Variants in TSLP observed in about 807,000 individuals in gnomAD.
The protein encoded by TSLP is thymic stromal lymphopoietin, also known as thymic stroma-derived lymphopoietin.
TSLP carries 12 observed loss-of-function variants against 12.4 expected under a neutral mutation model. The observed-to-expected ratio is 0.97, with a 90% confidence interval of 0.62 to 1.57. TSLP has a LOEUF of 1.57. Ranked by LOEUF, TSLP falls within the 40% of genes most tolerant of loss-of-function variation. The pLI is 0.00. For missense variants in TSLP, 222 were observed against 189.6 expected, an observed-to-expected ratio of 1.17 and a Z score of -1.00; for synonymous variants, 97 against 69.5, an observed-to-expected ratio of 1.40 and a Z score of -1.97.
In TSLP at chr5:111,075,853, T is replaced by G; in HGVS notation, c.352-93T>G. ...GGTGCTTTGGAGACACACTGAAAGATGGATTTGCATAGAGAAGGCAATTAA... is the reference window on the plus strand; with the variant it reads ...GGTGCTTTGGAGACACACTGAAAGAGGGATTTGCATAGAGAAGGCAATTAA... On this transcript the variant is annotated intron_variant, in intron 3 of 3. Transcript: ENST00000344895. 6 of 1,316,918 alleles carry G rather than the reference T, an allele frequency of 4.6e-6. No individual in the cohort carries two copies. In the Admixed American group the frequency reaches 1.3e-4, roughly 28 times the overall value. The allele number at this position is 1,316,918 out of a possible 1,614,324, so 81.6% of individuals were successfully genotyped here.
At position 111,073,555 on chromosome 5, in the gene TSLP, C is replaced by T. The variant is rs759452135; in HGVS notation, c.261C>T (p.Thr87=). The change falls in exon 3 of 4, where the codon ACC becomes ACT. Residue 87 remains threonine (T), a synonymous_variant. Transcript: ENST00000344895. Reference sequence around the variant, plus strand: ...TCCAGAGCCTAACCTTCAATCCCACCGCCGGCTGCGCGTCGCTCGCCAAAG... The same window carrying T: ...TCCAGAGCCTAACCTTCAATCCCACTGCCGGCTGCGCGTCGCTCGCCAAAG... ...TEIQSLTFNP[T]AGCASLAKEM... 1.2e-5 allele frequency: 19 copies of T among 1,614,046 alleles called. No homozygotes were observed. In the Admixed American group the frequency reaches 1.5e-4, roughly 13 times the overall value.
upstream of TSLP, chr5:111,071,618 A>G (rs1385258324): frequency 6.8e-6 from 10 of 1,477,020 alleles, no homozygotes; most frequent in Non-Finnish European, 9.0e-6. Flanking sequence ...AATTCTATAA[A>G]GGAAGAGAAT....
Position 111,072,975 on chromosome 5 carries a change from G to A in TSLP, c.216+43G>A, listed in dbSNP as rs11466740. On this transcript the variant is annotated intron_variant, in intron 2 of 3. Coordinates refer to ENST00000344895, the MANE Select transcript of TSLP (RefSeq NM_033035.5). ...TGCTGCTGGCTTTCTCCAGGGAGACGCCAGGCATTTTGGAGAGGGAGTATC... is the reference window on the plus strand; with the variant it reads ...TGCTGCTGGCTTTCTCCAGGGAGACACCAGGCATTTTGGAGAGGGAGTATC... 6.9e-3 allele frequency: 11,051 copies of A among 1,608,456 alleles called. 546 individuals carry two copies. In the African/African-American group the frequency reaches 0.12, roughly 17 times the overall value.
chr5:111,075,812 T>G, intron 3 of TSLP, 134 bp from the exon 4 acceptor site: 1 of 912,232 alleles, frequency 1.1e-6, no homozygotes, highest in Non-Finnish European at 1.7e-6. Flanking sequence ...AGGCACATGC[T>G]AGCACATAGT....
At chr5:111,072,086 CA>C (rs1490123961) in intron 1 of TSLP, 25 bp downstream of exon 1, 1 of 1,586,854 alleles carries the variant, frequency 6.3e-7, no homozygotes, top group African/African-American at 1.3e-5. Flanking sequence ...TTTTTTAAAA[CA>C]AATGTATTTT....
intron 1 of TSLP, among the ~76,000 whole-genome samples, chr5:111,072,421 G>A (rs1233373346): frequency 1.3e-5 from 2 of 152,186 alleles, no homozygotes; most frequent in Non-Finnish European, 2.9e-5. Context: ...AAACTCTAAG[G>A]ATTGATGCTG....
chr5:111,076,252 G>A lies in TSLP; in HGVS notation c.*178G>A. On this transcript the variant is annotated 3_prime_UTR_variant, in exon 4 of 4. Coordinates refer to ENST00000344895, the MANE Select transcript of TSLP (RefSeq NM_033035.5). ...TGTGTAAGTTTATAATGCAGGGGAA[G>A]TACTACTCCTCAAATGTTGAGGGAA... 1.5e-6 allele frequency: 1 copy of A among 673,180 alleles called. No individual in the cohort carries two copies. The highest frequency in any genetic ancestry group is 3.0e-5 in the East Asian group (1 of 33,678). 41.7% of individuals were successfully genotyped at this position (673,180 alleles called of 1,614,324 possible).
In TSLP at chr5:111,073,500, C is replaced by T. The variant is rs977169745; in HGVS notation, c.217-11C>T. 2 of 1,613,942 alleles carry T rather than the reference C, an allele frequency of 1.2e-6. No individual in the cohort carries two copies. Among genetic ancestry groups the T allele is most frequent in the Non-Finnish European group, 1.7e-6 (2 of 1,180,018 alleles). On this transcript the variant is annotated splice_polypyrimidine_tract_variant and intron_variant, in intron 2 of 3. Transcript: ENST00000344895. ...TCTCCTTTTCTCGTAAACTTTGCCG[C>T]CTATGAGCAGCCACATTGCCTTACT... is the stretch of plus-strand genomic sequence containing the variant.
rs201830592 is a variant in TSLP, at chr5:111,072,835, C to A, written c.172-53C>A. 6 of 1,585,410 alleles carry A rather than the reference C, an allele frequency of 3.8e-6. No individual in the cohort carries two copies. The African/African-American group carries it at 6.7e-5, about 18-fold the overall frequency. ...GAGCAAAGGGTGGAGGGATGATTTT[C>A]CTTGTGGACTTAAAAGTCTTTACCC... On this transcript the variant is annotated intron_variant, in intron 1 of 3. Coordinates refer to ENST00000344895, the MANE Select transcript of TSLP (RefSeq NM_033035.5).
At chr5:111,073,367 C>G (rs571508866) in intron 2 of TSLP, 144 bp from the exon 3 acceptor site, 6 of 1,527,392 alleles carry the variant, frequency 3.9e-6, no homozygotes, top group South Asian at 3.9e-5. Flanking sequence ...CTCTACTCAA[C>G]CCTGACCTCT....
intron 3 of TSLP, 79 bp downstream of exon 3, chr5:111,073,724 T>C: frequency 6.8e-7 from 1 of 1,468,768 alleles, no homozygotes; most frequent in South Asian, 1.3e-5. Context: ...CAGAAGTCGT[T>C]CTCTTATTTT....
chr5:111,073,466 C>T (rs1226616734), intron 2 of TSLP, 45 bp from the exon 3 acceptor site: 9 of 1,612,616 alleles, frequency 5.6e-6, no homozygotes, highest in Non-Finnish European at 7.6e-6. Flanking sequence ...CTTTCTCTCT[C>T]TGGTGTTTTC....
At chr5:111,072,988 G>T in intron 2 of TSLP, 56 bp downstream of exon 2, 1 of 1,595,896 alleles carries the variant, frequency 6.3e-7, no homozygotes, top group Non-Finnish European at 8.6e-7. Context: ...AGGCATTTTG[G>T]AGAGGGAGTA....
At position 111,076,045 on chromosome 5, in the gene TSLP, T is replaced by C; in HGVS notation, c.451T>C (p.Phe151Leu). The C allele has an allele frequency of 6.2e-7, 1 of 1,614,114 alleles. No homozygotes were observed. Among genetic ancestry groups the C allele is most frequent in the Admixed American group, 1.7e-5 (1 of 60,004 alleles). ...VSQLQGLWRR[F>L]NRPLLKQQ is the part of the protein sequence containing the mutation. Reference sequence around the variant, plus strand: ...ACAATTACAAGGATTGTGGCGTCGCTTCAATCGACCTTTACTGAAACAACA... The same window carrying C: ...ACAATTACAAGGATTGTGGCGTCGCCTCAATCGACCTTTACTGAAACAACA... Residue 151 changes from phenylalanine (F) to leucine (L), a missense_variant, in exon 4 of 4, where the codon TTC becomes CTC. By Grantham distance (22) the Phe-to-Leu change is conservative. Coordinates refer to ENST00000344895, the MANE Select transcript of TSLP (RefSeq NM_033035.5).
chr5:111,074,489 G>A (rs1191539907), intron 3 of TSLP, among the ~76,000 whole-genome samples: 1 of 152,152 alleles, frequency 6.6e-6, no homozygotes, highest in East Asian at 1.9e-4. Context: ...ATTTATTTCA[G>A]TCAGCAAGTA....
rs904269166 is a variant in TSLP, at chr5:111,071,885, C to G, written c.-6C>G. ...GTGAAACTGGGGTGGAATTGGGTGT[C>G]CACGTATGTTCCCTTTTGCCTTACT... On this transcript the variant is annotated 5_prime_UTR_variant, in exon 1 of 4. Transcript: ENST00000344895. 4.3e-6 allele frequency: 7 copies of G among 1,612,830 alleles called. No individual in the cohort carries two copies. Among genetic ancestry groups the G allele is most frequent in the African/African-American group, 2.7e-5 (2 of 74,906 alleles).
At chr5:111,072,404 A>G (rs542008102) in intron 1 of TSLP, among the ~76,000 whole-genome samples, 4 of 152,250 alleles carry the variant, frequency 2.6e-5, no homozygotes, top group Admixed American at 2.6e-4. Flanking sequence ...GATAATTCTC[A>G]TGAGATAAAC....
chr5:111,073,423 C>T (rs558431039), intron 2 of TSLP, 88 bp from the exon 3 acceptor site: 468 of 1,584,780 alleles, frequency 3.0e-4, no homozygotes, highest in Non-Finnish European at 3.4e-4. Flanking sequence ...CCTGACCTTC[C>T]TCCCCTCCCC....
chr5:111,072,686 G>A (rs1392256468), intron 1 of TSLP, among the ~76,000 whole-genome samples: 1 of 152,114 alleles, frequency 6.6e-6, no homozygotes, highest in East Asian at 1.9e-4. Flanking sequence ...TCTGAGACCT[G>A]AACCTTTTGG....
Sources: gnomAD v4.1 joint callset for allele counts (sites outside exome capture counted in the v4.1 genomes callset) on GRCh38, gnomAD v4.1.1 for gene constraint, MANE v1.5 for transcripts, NCBI Gene and HGNC (gene_info 2026-07-23, HGNC 2026-07-21) for gene names.